TRPV4: variants seen among roughly 807,000 people sequenced by gnomAD.
The protein encoded by TRPV4 is OSM9-like transient receptor potential channel 4.
TRPV4 carries 58 observed loss-of-function variants against 84.1 expected under a neutral mutation model. The observed-to-expected ratio is 0.69, with a 90% CI of 0.56 to 0.86. TRPV4 has a LOEUF of 0.86. TRPV4 is among the 40% of genes least tolerant of loss of function. TRPV4 has a pLI of 0.00. For missense variants in TRPV4, 879 were observed against 1,181.1 expected (o/e 0.74, Z 3.75); for synonymous variants, 489 against 500.9 (o/e 0.98, Z 0.32).
Position 109,814,606 on chromosome 12 carries a change from C to T in TRPV4, c.191G>A (p.Arg64Gln), listed in dbSNP as rs1199457372. The change falls in exon 2 of 16, where the codon CGA becomes CAA. Residue 64 changes from arginine (R) to glutamine (Q), a missense_variant. By Grantham distance (43) the Arg-to-Gln change is conservative (BLOSUM62 1). This residue lies in a region of TRPV4 where 107 missense variants were observed against 99.4 expected (regional missense o/e 1.08). Transcript: ENST00000261740. This position sits in a 1 kb window ranked among gnomAD's most constrained non-coding sequence, Gnocchi z 5.4. The stretch of plus-strand genomic sequence containing the variant: ...CTGGAACTTCATGCGCAGATTTGGT[C>T]GCCCATCGCCTGGGCCAGCAGGGCG... ...ASRPAGPGDG[R>Q]PNLRMKFQGA... The T allele has an allele frequency of 6.8e-6, 11 of 1,613,912 alleles. No homozygotes were observed. The African/African-American group carries it at 9.3e-5, about 14-fold the overall frequency.
intron 1 of TRPV4, among the ~76,000 whole-genome samples, chr12:109,824,353 C>T (rs1297113884): frequency 6.6e-6 from 1 of 152,118 alleles, no homozygotes; most frequent in Non-Finnish European, 1.5e-5. Context: ...TCCTTCTTCC[C>T]TTATCTCGCT....
chr12:109,797,396 C>T (rs932754178), intron 6 of TRPV4, among the ~76,000 whole-genome samples: 23 of 152,230 alleles, frequency 1.5e-4, no homozygotes, highest in African/African-American at 3.4e-4. Flanking sequence ...TCAGGTGATC[C>T]GCCCACCTCG....
At position 109,787,086 on chromosome 12, in the gene TRPV4, CCT is replaced by C. The variant is rs573766099; in HGVS notation, c.2209-251_2209-250del. ...CCCTATCACACTTACACAGCAGTTGCCTCTCAGTGAGGGAGGGGTAGAGACTG... is the reference window on the plus strand; with the variant it reads ...CCCTATCACACTTACACAGCAGTTGCCTCAGTGAGGGAGGGGTAGAGACTG... On this transcript the variant is annotated intron_variant, in intron 13 of 15. Transcript: ENST00000261740. Among the ~76,000 whole-genome samples, 53 of 152,268 alleles carry C rather than the reference CCT, an allele frequency of 3.5e-4. No homozygotes were observed. The South Asian group carries it at 6.8e-3, about 20-fold the overall frequency.
intron 1 of TRPV4, among the ~76,000 whole-genome samples, chr12:109,827,200 C>T (rs1892274779): frequency 6.6e-6 from 1 of 152,138 alleles, no homozygotes; most frequent in South Asian, 2.1e-4. Flanking sequence ...GGTTTTCTGG[C>T]CTATAAGACC....
At chr12:109,816,745 T>C (rs1171338697) in intron 1 of TRPV4, among the ~76,000 whole-genome samples, 2 of 152,114 alleles carry the variant, frequency 1.3e-5, no homozygotes, top group Non-Finnish European at 2.9e-5. Flanking sequence ...GCCACTGCAC[T>C]CCAGCCAGGG....
chr12:109,800,838 A>G, intron 4 of TRPV4, 80 bp from the exon 5 acceptor site: 1 of 628,004 alleles, frequency 1.6e-6, no homozygotes, highest in Non-Finnish European at 2.4e-6. Flanking sequence ...GGTAGGGTGC[A>G]GGACGTAGAA....
chr12:109,787,768 C>T (rs928320411), intron 13 of TRPV4, among the ~76,000 whole-genome samples: 44 of 152,158 alleles, frequency 2.9e-4, no homozygotes, highest in African/African-American at 9.9e-4. Context: ...AAGGTAAACA[C>T]GGGTGCTGTA....
chr12:109,810,537 CT>C (rs1036235273), intron 2 of TRPV4, among the ~76,000 whole-genome samples: 53 of 152,312 alleles, frequency 3.5e-4, no homozygotes, highest in Admixed American at 3.0e-3. Context: ...ACTCTCCTCC[CT>C]TCCTCTTCGC....
At position 109,783,803 on chromosome 12, in the gene TRPV4, A is replaced by C; in HGVS notation, c.2459-25T>G. 6.2e-7 allele frequency: 1 copy of C among 1,602,676 alleles called. No homozygotes were observed. The highest frequency in any genetic ancestry group is 8.5e-7 in the Non-Finnish European group (1 of 1,177,256). ...TCTGCACCGAGAGCACATCAGAGGG[A>C]GGGGTGGGGGTTGGTGGAGAGAGAG... On this transcript the variant is annotated intron_variant, in intron 15 of 15. Coordinates refer to ENST00000261740, the MANE Select transcript of TRPV4 (RefSeq NM_021625.5). The surrounding 1 kb of genome is among the most constrained non-coding windows in gnomAD (Gnocchi z 4.6).
intron 1 of TRPV4, among the ~76,000 whole-genome samples, chr12:109,823,215 G>A (rs988699407): frequency 6.6e-6 from 1 of 152,194 alleles, no homozygotes; most frequent in African/African-American, 2.4e-5. Flanking sequence ...AGCAGGTCTC[G>A]GCCCAGCCCG....
rs925233789 is a variant in TRPV4, at chr12:109,833,359, G to A, written c.-41C>T. 3 of 152,194 alleles carry A rather than the reference G, an allele frequency of 2.0e-5. No individual in the cohort carries two copies. The highest frequency in any genetic ancestry group is 7.2e-5 in the African/African-American group (3 of 41,436). 9.4% of individuals were successfully genotyped at this position (152,194 alleles called of 1,614,324 possible). The stretch of plus-strand genomic sequence containing the variant: ...CCCGGGCCCCACTTACCTCCGGGAC[G>A]GCTGGGCGCCGGCGGCCGGGAGATC... On this transcript the variant is annotated 5_prime_UTR_variant, in exon 1 of 16. Coordinates refer to ENST00000261740, the MANE Select transcript of TRPV4 (RefSeq NM_021625.5).
Position 109,796,814 on chromosome 12 carries a change from G to A in TRPV4, c.1153-110C>T. ...AGAAAACAGCTAAGCACCGGCTGCTGGAGGACCCTTTCCTCATCTTGTTTA... is the reference window on the plus strand; with the variant it reads ...AGAAAACAGCTAAGCACCGGCTGCTAGAGGACCCTTTCCTCATCTTGTTTA... On this transcript the variant is annotated intron_variant, in intron 6 of 15. Transcript: ENST00000261740. This position sits in a 1 kb window ranked among gnomAD's most constrained non-coding sequence, Gnocchi z 4.2. 1 of 1,102,828 alleles carries A rather than the reference G, an allele frequency of 9.1e-7. No individual in the cohort carries two copies. The highest frequency in any genetic ancestry group is 1.3e-6 in the Non-Finnish European group (1 of 786,176). The allele number at this position is 1,102,828 out of a possible 1,614,324, so 68.3% of individuals were successfully genotyped here.
chr12:109,800,809 CAGGCTTGCTGGGGGTGGGGGTAGGGTG>C, intron 4 of TRPV4, 51 bp from the exon 5 acceptor site: 1 of 1,562,542 alleles, frequency 6.4e-7, no homozygotes, highest in Non-Finnish European at 8.6e-7. Flanking sequence ...GAGACCTAGC[CAGGCTTGCTGGGGGTGGGGGTAGGGTG>C]CAGGACGTAG....
intron 4 of TRPV4, 65 bp from the exon 5 acceptor site, chr12:109,800,823 G>GC: frequency 6.4e-7 from 1 of 1,555,982 alleles, no homozygotes. Flanking sequence ...CTTGCTGGGG[G>GC]TGGGGGTAGG....
Position 109,792,633 on chromosome 12 carries a change from G to GTCT in TRPV4, c.1824+18_1824+19insAGA. 6.2e-7 allele frequency: 1 copy of GTCT among 1,614,054 alleles called. No homozygotes were observed. Among genetic ancestry groups the GTCT allele is most frequent in the South Asian group, 1.1e-5 (1 of 91,068 alleles). On this transcript the variant is annotated intron_variant, in intron 11 of 15. Transcript: ENST00000261740. ...CCCTCCAGGAACACACGAGTCCAGA[G>GTCT]GGTCCTCCCAGCCCGTACCTTCTGG...
At position 109,791,351 on chromosome 12, in the gene TRPV4, A is replaced by T. The variant is rs114560004; in HGVS notation, c.1891+1012T>A. On this transcript the variant is annotated intron_variant, in intron 12 of 15. Transcript: ENST00000261740. ...TGAGCCAAGAGCACCACTGCCCTCC[A>T]GCCTTGGTGACAGAGTGAGACCTTG... Among the ~76,000 whole-genome samples the T allele has an allele frequency of 7.6e-3, 1,151 of 151,832 alleles. 15 individuals are homozygous for T. Among genetic ancestry groups the T allele is most frequent in the African/African-American group, 0.027 (1,104 of 41,452 alleles).
At chr12:109,805,655 G>A (rs1030362608) in intron 3 of TRPV4, among the ~76,000 whole-genome samples, 8 of 152,158 alleles carry the variant, frequency 5.3e-5, no homozygotes, top group Non-Finnish European at 8.8e-5. Flanking sequence ...TTTGTGGGAC[G>A]TAGACTAGGT....
intron 6 of TRPV4, among the ~76,000 whole-genome samples, chr12:109,797,509 A>G (rs1890479933): frequency 6.6e-6 from 1 of 151,312 alleles, no homozygotes; most frequent in Non-Finnish European, 1.5e-5. Flanking sequence ...GCTGGAGTGC[A>G]ATGGCACTAT....
Position 109,793,467 on chromosome 12 carries a change from C to T in TRPV4, c.1658+60G>A, listed in dbSNP as rs1035026355. The T allele has an allele frequency of 8.4e-6, 12 of 1,430,744 alleles. No homozygotes were observed. The African/African-American group carries it at 1.7e-4, about 20-fold the overall frequency. 88.6% of individuals were successfully genotyped at this position (1,430,744 alleles called of 1,614,324 possible). On this transcript the variant is annotated intron_variant, in intron 10 of 15. Transcript: ENST00000261740. The surrounding 1 kb of genome is among the most constrained non-coding windows in gnomAD (Gnocchi z 4.0). Reference sequence around the variant, plus strand: ...CACCTCTCTCCTGAATCTGGACGACCTAGCAGCCCAAACCCACCTTCCTCA... The same window carrying T: ...CACCTCTCTCCTGAATCTGGACGACTTAGCAGCCCAAACCCACCTTCCTCA...
Sources: gnomAD v4.1 joint callset for allele counts (sites outside exome capture counted in the v4.1 genomes callset) on GRCh38, gnomAD v4.1.1 for gene constraint, gnomAD v4.1.1 regional missense constraint, Gnocchi (gnomAD v3.1) non-coding constraint, MANE v1.5 for transcripts, NCBI Gene and HGNC (gene_info 2026-07-23, HGNC 2026-07-21) for gene names.